The following SUGCT variants were observed in gnomAD, a reference collection of about 807,000 sequenced individuals.
SUGCT encodes succinyl-CoA:glutarate CoA-transferase.
A neutral mutation model predicts 55.0 loss-of-function variants in SUGCT; 41 were observed. The ratio of observed to expected loss-of-function variants is 0.74; its 90% CI spans 0.58 to 0.97. The LOEUF (loss-of-function observed/expected upper bound fraction) is 0.97, where lower values mean the gene tolerates loss of function less well. Ranked by LOEUF, SUGCT falls within the 50% of genes least tolerant of loss-of-function variation. The probability of loss-of-function intolerance (pLI) is 0.00; values close to 1 mark genes in which losing one functional copy is unlikely to be tolerated. For missense variants in SUGCT, 568 were observed against 547.8 expected (o/e 1.04, Z -0.37); for synonymous variants, 187 against 200.4 (o/e 0.93, Z 0.56).
the SUGCT span, among the ~76,000 whole-genome samples, chr7:40,880,450 T>C: frequency 2.0e-5 from 3 of 152,196 alleles, no homozygotes; most frequent in Non-Finnish European, 4.4e-5. Context: ...CATCAATCTT[T>C]CATCTTATGA....
intron 8 of SUGCT, among the ~76,000 whole-genome samples, chr7:40,286,216 G>C (rs1793327975): frequency 6.6e-6 from 1 of 152,090 alleles, no homozygotes; most frequent in South Asian, 2.1e-4. Flanking sequence ...CAAGTAATTA[G>C]TAATAAATGT....
At chr7:40,972,591 GGTAA>G in the SUGCT span, among the ~76,000 whole-genome samples, 4 of 152,162 alleles carry the variant, frequency 2.6e-5, no homozygotes, top group African/African-American at 7.2e-5. Flanking sequence ...CTTTGTAAAT[GGTAA>G]GTAAGCCTGC....
chr7:40,349,807 G>A (rs906454203), intron 9 of SUGCT, among the ~76,000 whole-genome samples: 4 of 152,142 alleles, frequency 2.6e-5, no homozygotes, highest in African/African-American at 9.7e-5. Context: ...TGAGTAGCCA[G>A]GACTAAAGGC....
chr7:40,927,378 G>A, the SUGCT span, among the ~76,000 whole-genome samples: 1 of 152,146 alleles, frequency 6.6e-6, no homozygotes, highest in Non-Finnish European at 1.5e-5. Flanking sequence ...ACTGAGTGGT[G>A]GGAAAAGGGG....
the SUGCT span, among the ~76,000 whole-genome samples, chr7:40,895,003 A>G: frequency 6.6e-6 from 1 of 152,228 alleles, no homozygotes; most frequent in Admixed American, 6.5e-5. Flanking sequence ...ATAAATACAC[A>G]TAAATGTGTA....
At chr7:40,318,973 T>G (rs1016369388) in intron 9 of SUGCT, among the ~76,000 whole-genome samples, 4 of 152,188 alleles carry the variant, frequency 2.6e-5, no homozygotes, top group Admixed American at 1.3e-4. Context: ...TGCCCTCAAT[T>G]ATTTCACTAT....
intron 12 of SUGCT, among the ~76,000 whole-genome samples, chr7:40,604,199 G>A (rs1798419987): frequency 6.6e-6 from 1 of 152,218 alleles, no homozygotes; most frequent in African/African-American, 2.4e-5. Context: ...GTTCGCCCGA[G>A]GCCCTTGCTA....
intron 12 of SUGCT, among the ~76,000 whole-genome samples, chr7:40,684,545 ACT>A: frequency 6.6e-6 from 1 of 152,022 alleles, no homozygotes; most frequent in East Asian, 1.9e-4. Flanking sequence ...TCTCTGGAAA[ACT>A]CTGAAAGTTA....
chr7:40,696,290 C>T (rs1226877027), intron 12 of SUGCT, among the ~76,000 whole-genome samples: 2 of 152,158 alleles, frequency 1.3e-5, no homozygotes, highest in Non-Finnish European at 2.9e-5. Context: ...TAATGGAGGT[C>T]TGAGGTCAGA....
At chr7:40,379,925 A>G (rs1291104694) in intron 9 of SUGCT, among the ~76,000 whole-genome samples, 2 of 152,088 alleles carry the variant, frequency 1.3e-5, no homozygotes, top group African/African-American at 4.8e-5. Context: ...CATTCCTCAG[A>G]TCTCCCTTGA....
chr7:40,604,853 A>G (rs1798450000), intron 12 of SUGCT, among the ~76,000 whole-genome samples: 2 of 152,310 alleles, frequency 1.3e-5, no homozygotes, highest in African/African-American at 4.8e-5. Context: ...GAGGTTCACT[A>G]ACACCTCATT....
At chr7:41,037,620 G>A in the SUGCT span, among the ~76,000 whole-genome samples, 1 of 151,542 alleles carries the variant, frequency 6.6e-6, no homozygotes. Context: ...CATTTCAGTT[G>A]CAATTCCAGA....
At chr7:40,502,639 T>C (rs1792351026) in intron 12 of SUGCT, among the ~76,000 whole-genome samples, 1 of 152,082 alleles carries the variant, frequency 6.6e-6, no homozygotes, top group Non-Finnish European at 1.5e-5. Context: ...GTCTTTGAAA[T>C]CCATTGTGCA....
chr7:40,953,130 TC>T, the SUGCT span, among the ~76,000 whole-genome samples: 1 of 152,222 alleles, frequency 6.6e-6, no homozygotes, highest in Non-Finnish European at 1.5e-5. Context: ...GTTCTATATT[TC>T]TTGGAGGCTT....
At chr7:40,675,639 G>A (rs1284655895) in intron 12 of SUGCT, among the ~76,000 whole-genome samples, 2 of 152,100 alleles carry the variant, frequency 1.3e-5, no homozygotes, top group Admixed American at 6.5e-5. Flanking sequence ...TATGGGAGTT[G>A]GGCAAAAAGA....
intron 13 of SUGCT, among the ~76,000 whole-genome samples, chr7:40,851,009 C>T (rs1793823333): frequency 6.6e-6 from 1 of 152,192 alleles, no homozygotes; most frequent in African/African-American, 2.4e-5. Context: ...TTTTAATTCT[C>T]ACAGCTTTAT....
chr7:40,417,985 T>C (rs1787103735), intron 9 of SUGCT, among the ~76,000 whole-genome samples: 1 of 152,208 alleles, frequency 6.6e-6, no homozygotes, highest in Non-Finnish European at 1.5e-5. Flanking sequence ...ATAAATATTA[T>C]ATATTTCACA....
At chr7:40,194,376 T>C (rs1786118379) in intron 5 of SUGCT, among the ~76,000 whole-genome samples, 1 of 152,082 alleles carries the variant, frequency 6.6e-6, no homozygotes. Flanking sequence ...TCCTCCCACC[T>C]GAGCCTCCCG....
chr7:41,012,291 C>A, the SUGCT span, among the ~76,000 whole-genome samples: 1 of 152,160 alleles, frequency 6.6e-6, no homozygotes, highest in Non-Finnish European at 1.5e-5. Context: ...AGCTCAAGCT[C>A]ACTGCCTTTC....
Sources: gnomAD v4.1 joint callset for allele counts (sites outside exome capture counted in the v4.1 genomes callset) on GRCh38, gnomAD v4.1.1 for gene constraint, MANE v1.5 for transcripts, NCBI Gene and HGNC (gene_info 2026-07-23, HGNC 2026-07-21) for gene names.